SMC1B: variants seen among roughly 807,000 people sequenced by gnomAD.
SMC1B encodes structural maintenance of chromosomes protein 1B.
SMC1B carries 60 observed loss-of-function variants against 157.9 expected under a neutral mutation model. The observed-to-expected ratio is 0.38, with a 90% confidence interval of 0.31 to 0.47. The LOEUF is 0.47. Ranked by LOEUF, SMC1B falls within the 20% of genes least tolerant of loss-of-function variation. The pLI, the probability that SMC1B is intolerant of heterozygous loss-of-function variation, is 0.99. For missense variants in SMC1B, 1,165 were observed against 1,426.2 expected, an observed-to-expected ratio of 0.82 and a Z score of 2.95; for synonymous variants, 445 against 483.0, an observed-to-expected ratio of 0.92 and a Z score of 1.03.
intron 9 of SMC1B, among the ~76,000 whole-genome samples, chr22:45,392,817 C>T (rs965568367): frequency 1.1e-4 from 16 of 152,130 alleles, no homozygotes; most frequent in Non-Finnish European, 2.1e-4. Flanking sequence ...TCTCCTACCT[C>T]ACCCTCCTGA....
intron 4 of SMC1B, among the ~76,000 whole-genome samples, chr22:45,405,796 G>C (rs2087252493): frequency 6.6e-6 from 1 of 152,208 alleles, no homozygotes; most frequent in East Asian, 1.9e-4. Context: ...ATAATACTAA[G>C]ACTTTGTCTA....
At chr22:45,366,181 G>C (rs1234379492) in intron 15 of SMC1B, among the ~76,000 whole-genome samples, 3 of 152,028 alleles carry the variant, frequency 2.0e-5, no homozygotes, top group African/African-American at 7.2e-5. Context: ...GTGCCACCAC[G>C]CCCAGCTAAT....
At position 45,379,723 on chromosome 22, in the gene SMC1B, C is replaced by CTTTTTTTT. The variant is rs136583; in HGVS notation, c.2058+3736_2058+3743dup. On this transcript the variant is annotated intron_variant, in intron 12 of 24. Coordinates refer to ENST00000357450, the MANE Select transcript of SMC1B (RefSeq NM_148674.5). ...TAGAGTACTTTCCTTTTTCTTTTTA[C>CTTTTTTTT]TTTTTTTTTTTTTTTTTTTTTTGAG... is the stretch of plus-strand genomic sequence containing the variant. Among the ~76,000 whole-genome samples the CTTTTTTTT allele has an allele frequency of 1.0e-3, 92 of 91,484 alleles. 1 individual carries two copies. The highest frequency in any genetic ancestry group is 1.4e-3 in the East Asian group (4 of 2,850). The allele number at this position is 91,484 out of a possible 152,430, so 60.0% of individuals were successfully genotyped here.
At position 45,406,573 on chromosome 22, in the gene SMC1B, A is replaced by G; in HGVS notation, c.502T>C (p.Tyr168His). The change falls in exon 4 of 25, where the codon TAT (tyrosine) becomes CAT (histidine). Residue 168 changes from tyrosine (Y) to histidine (H), a missense_variant. Coordinates refer to ENST00000357450, the MANE Select transcript of SMC1B (RefSeq NM_148674.5). ...ISTSGELIGE[Y>H]EEKKRKLQKA... ...TGTAACTTTCTTTTCTTTTCTTCATATTCTCCTATAAGCTCTCCTGAAGTG... is the reference window on the plus strand; with the variant it reads ...TGTAACTTTCTTTTCTTTTCTTCATGTTCTCCTATAAGCTCTCCTGAAGTG... 1.2e-6 allele frequency: 2 copies of G among 1,613,200 alleles called. No homozygotes were observed. The highest frequency in any genetic ancestry group is 1.7e-6 in the Non-Finnish European group (2 of 1,179,818).
At chr22:45,399,463 T>G in intron 5 of SMC1B, 110 bp from the exon 6 acceptor site, 1 of 1,052,528 alleles carries the variant, frequency 9.5e-7, no homozygotes, top group Non-Finnish European at 1.3e-6. Context: ...AAAAATCAAC[T>G]TTCAGAGACT....
intron 12 of SMC1B, among the ~76,000 whole-genome samples, chr22:45,374,568 T>C (rs1283902366): frequency 2.0e-5 from 3 of 152,226 alleles, no homozygotes; most frequent in African/African-American, 7.2e-5. Context: ...CAAATTCTAA[T>C]TTTTCTTGGT....
intron 16 of SMC1B, 102 bp downstream of exon 16, chr22:45,362,783 C>G: frequency 1.1e-6 from 1 of 911,434 alleles, no homozygotes; most frequent in South Asian, 1.5e-5. Flanking sequence ...TGTCCCCAAC[C>G]CCTTCACTAA....
Position 45,413,452 on chromosome 22 carries a change from C to T in SMC1B, c.109+7G>A. On this transcript the variant is annotated splice_region_variant and intron_variant, in intron 1 of 24. Transcript: ENST00000357450. ...CGCTCCGGTGGCGCCCTGAGCTGCTCAGTTACCAGAGCCGTTGGGGCCGAT... is the reference window on the plus strand; with the variant it reads ...CGCTCCGGTGGCGCCCTGAGCTGCTTAGTTACCAGAGCCGTTGGGGCCGAT... 1 of 1,600,490 alleles carries T rather than the reference C, an allele frequency of 6.2e-7. No homozygotes were observed. The highest frequency in any genetic ancestry group is 8.5e-7 in the Non-Finnish European group (1 of 1,172,914).
intron 23 of SMC1B, among the ~76,000 whole-genome samples, chr22:45,346,089 C>T (rs902587955): frequency 6.6e-6 from 1 of 151,772 alleles, no homozygotes; most frequent in Non-Finnish European, 1.5e-5. Flanking sequence ...CCTATAATCC[C>T]AGCTACTCGG....
intron 11 of SMC1B, among the ~76,000 whole-genome samples, chr22:45,385,057 C>G (rs1053762063): frequency 6.6e-6 from 1 of 151,992 alleles, no homozygotes; most frequent in African/African-American, 2.4e-5. Flanking sequence ...GAGTAACAAC[C>G]AACCAGTCTA....
At chr22:45,375,054 T>G (rs1168371057) in intron 12 of SMC1B, among the ~76,000 whole-genome samples, 1 of 152,190 alleles carries the variant, frequency 6.6e-6, no homozygotes, top group Non-Finnish European at 1.5e-5. Flanking sequence ...CCAAAATCAC[T>G]AAGCTAAAGG....
chr22:45,349,027 T>C (rs548503357), intron 23 of SMC1B, among the ~76,000 whole-genome samples: 1 of 147,364 alleles, frequency 6.8e-6, no homozygotes, highest in African/African-American at 2.5e-5. Flanking sequence ...TTTTTTTTTT[T>C]TTTTTTTTTG....
At chr22:45,388,288 T>C (rs1276701093) in intron 10 of SMC1B, among the ~76,000 whole-genome samples, 1 of 152,172 alleles carries the variant, frequency 6.6e-6, no homozygotes, top group African/African-American at 2.4e-5. Context: ...TATGTAGTTA[T>C]ATACATTGAG....
rs2087202046 is a variant in SMC1B at position 45,402,094 on chromosome 22, AG to A, written c.854+238del. 2.0e-5 allele frequency among the ~76,000 whole-genome samples: 3 copies of A among 152,240 alleles called. No homozygotes were observed. In the South Asian group the frequency reaches 6.2e-4, roughly 32 times the overall value. On this transcript the variant is annotated intron_variant, in intron 5 of 24. Transcript: ENST00000357450. ...GAGACGGGGTTTCACCGTGTTAGCC[AG>A]GATGGTCTCGATCTCCTTACCTCGT... is the stretch of plus-strand genomic sequence containing the variant.
intron 4 of SMC1B, among the ~76,000 whole-genome samples, chr22:45,404,279 T>C (rs1339184833): frequency 6.6e-6 from 1 of 152,226 alleles, no homozygotes; most frequent in African/African-American, 2.4e-5. Context: ...ATAGCTTACT[T>C]TCCAACCTGA....
intron 5 of SMC1B, among the ~76,000 whole-genome samples, chr22:45,400,001 A>T (rs1264777997): frequency 6.6e-6 from 1 of 152,210 alleles, no homozygotes; most frequent in Non-Finnish European, 1.5e-5. Context: ...AGAATGATTA[A>T]TGTGGTAATG....
intron 23 of SMC1B, among the ~76,000 whole-genome samples, chr22:45,348,600 A>T (rs562806497): frequency 7.9e-5 from 12 of 152,252 alleles, no homozygotes; most frequent in African/African-American, 2.6e-4. Context: ...AAGTACAGTG[A>T]TCCTCATTTG....
At chr22:45,409,252 TCC>T (rs1239005470) in intron 1 of SMC1B, among the ~76,000 whole-genome samples, 1 of 152,140 alleles carries the variant, frequency 6.6e-6, no homozygotes, top group African/African-American at 2.4e-5. Context: ...CAGCACCAAA[TCC>T]TCTTATACTC....
intron 15 of SMC1B, among the ~76,000 whole-genome samples, chr22:45,368,616 C>T (rs2086798720): frequency 6.6e-6 from 1 of 151,070 alleles, no homozygotes; most frequent in Non-Finnish European, 1.5e-5. Flanking sequence ...CTCCTGGGTT[C>T]AAGCAATTCT....
Sources: gnomAD v4.1 joint callset for allele counts (sites outside exome capture counted in the v4.1 genomes callset) on GRCh38, gnomAD v4.1.1 for gene constraint, MANE v1.5 for transcripts, NCBI Gene and HGNC (gene_info 2026-07-23, HGNC 2026-07-21) for gene names.